Variants in NCS1 observed in about 807,000 individuals in gnomAD.
NCS1 encodes the protein frequenin homolog.
A neutral mutation model predicts 28.4 loss-of-function variants in NCS1; 6 were observed. The observed-to-expected ratio is 0.21, with a 90% CI of 0.12 to 0.42. NCS1 has a LOEUF of 0.42. Ranked by LOEUF, NCS1 falls within the 10% of genes least tolerant of loss-of-function variation. The probability of loss-of-function intolerance (pLI) is 1.00; values close to 1 mark genes in which losing one functional copy is unlikely to be tolerated. For missense variants in NCS1, 131 were observed against 241.4 expected (o/e 0.54, Z 3.03); for synonymous variants, 86 against 99.3 (o/e 0.87, Z 0.79).
At chr9:130,220,547 G>T (rs1271277708) in intron 4 of NCS1, among the ~76,000 whole-genome samples, 3 of 152,046 alleles carry the variant, frequency 2.0e-5, no homozygotes, top group Non-Finnish European at 4.4e-5. Context: ...GGGCCCGCGT[G>T]TGCGAGGCCC....
In NCS1 at chr9:130,232,119, G is replaced by A. The variant is rs1281970946; in HGVS notation, c.*18-871G>A. ...GCGCAGCCACGTCCGGCTAATTTTT[G>A]TATTTTTGGTAGAGACCGGGTTTCA... On this transcript the variant is annotated intron_variant, in intron 7 of 7. Transcript: ENST00000372398. This position sits in a 1 kb window ranked among gnomAD's most constrained non-coding sequence, Gnocchi z 4.4. 6.6e-6 allele frequency among the ~76,000 whole-genome samples: 1 copy of A among 152,078 alleles called. No homozygotes were observed. The highest frequency in any genetic ancestry group is 1.5e-5 in the Non-Finnish European group (1 of 68,030).
At chr9:130,179,570 G>T (rs1832626438) in intron 1 of NCS1, among the ~76,000 whole-genome samples, 1 of 152,176 alleles carries the variant, frequency 6.6e-6, no homozygotes, top group Admixed American at 6.5e-5. Flanking sequence ...GTTTTGAAAG[G>T]CTTTTGATTA....
intron 3 of NCS1, among the ~76,000 whole-genome samples, chr9:130,218,323 C>T (rs12346070): frequency 6.6e-6 from 1 of 152,150 alleles, no homozygotes; most frequent in African/African-American, 2.4e-5. Context: ...CAGCCACACA[C>T]GTGAACATAC....
In NCS1 at chr9:130,233,918, G is replaced by A. The variant is rs564128328; in HGVS notation, c.*946G>A. On this transcript the variant is annotated 3_prime_UTR_variant, in exon 8 of 8. Coordinates refer to ENST00000372398, the MANE Select transcript of NCS1 (RefSeq NM_014286.4). This position sits in a 1 kb window ranked among gnomAD's most constrained non-coding sequence, Gnocchi z 4.8. The stretch of plus-strand genomic sequence containing the variant: ...TCCTGCCAAACCCCTTTTCCCTGCT[G>A]CCTCTGTCCCCGCATCCTTGTTCTC... The A allele has an allele frequency of 1.3e-5, 2 of 152,058 alleles. No homozygotes were observed. Among genetic ancestry groups the A allele is most frequent in the African/African-American group, 4.8e-5 (2 of 41,362 alleles). 9.4% of individuals were successfully genotyped at this position (152,058 alleles called of 1,614,324 possible). A position where few individuals can be genotyped will look rare whatever the true frequency, so the allele number is the denominator to read the frequency against.
chr9:130,201,657 A>G (rs1224467252), intron 2 of NCS1, among the ~76,000 whole-genome samples: 1 of 152,068 alleles, frequency 6.6e-6, no homozygotes, highest in African/African-American at 2.4e-5. Context: ...ACATGAGGCA[A>G]TGAGCTTGGA....
At position 130,235,357 on chromosome 9, in the gene NCS1, C is replaced by T. The variant is rs1489899183; in HGVS notation, c.*2385C>T. 6.6e-6 allele frequency: 1 copy of T among 152,420 alleles called. No individual in the cohort carries two copies. Among genetic ancestry groups the T allele is most frequent in the Non-Finnish European group, 1.5e-5 (1 of 68,196 alleles). The allele number at this position is 152,420 out of a possible 1,614,324, so 9.4% of individuals were successfully genotyped here. ...GGCTGAGAGGATGAGGGAGGTCTTT[C>T]CCAGGTCAAATTACTTTCCTTTGGC... On this transcript the variant is annotated 3_prime_UTR_variant, in exon 8 of 8. Transcript: ENST00000372398.
rs10988643 is a variant in NCS1, at chr9:130,215,585, C to T, written c.90-2247C>T. ...GGCAGGGCGGGCTCCGAGTCTCACG[C>T]ATTGCTGTGGATGAATCTCCTGATC... On this transcript the variant is annotated intron_variant, in intron 2 of 7. Coordinates refer to ENST00000372398, the MANE Select transcript of NCS1 (RefSeq NM_014286.4). This position sits in a 1 kb window ranked among gnomAD's most constrained non-coding sequence, Gnocchi z 4.2. Among the ~76,000 whole-genome samples the T allele has an allele frequency of 1.6e-3, 247 of 152,254 alleles. 6 individuals are homozygous for T. In the East Asian group the frequency reaches 0.039, roughly 24 times the overall value.
At chr9:130,221,425 G>T (rs1288444754) in intron 4 of NCS1, among the ~76,000 whole-genome samples, 8 of 89,512 alleles carry the variant, frequency 8.9e-5, no homozygotes, top group African/African-American at 2.6e-4. Flanking sequence ...GAGAGAGAGA[G>T]AGAGAGAGAG....
chr9:130,209,662 C>T lies in NCS1; in HGVS notation c.90-8170C>T, dbSNP rs1833084448. 6.6e-6 allele frequency among the ~76,000 whole-genome samples: 1 copy of T among 152,080 alleles called. No individual in the cohort carries two copies. The highest frequency in any genetic ancestry group is 1.5e-5 in the Non-Finnish European group (1 of 68,012). ...AGAAGGTGGGAGGTGTGGGAGGAGA[C>T]CCAGCGCTGGCGTGGGAACTGTTTT... On this transcript the variant is annotated intron_variant, in intron 2 of 7. Transcript: ENST00000372398. This position sits in a 1 kb window ranked among gnomAD's most constrained non-coding sequence, Gnocchi z 4.4.
rs71387330 is a variant in NCS1 at position 130,206,403 on chromosome 9, CTTTTTTTTT to C, written c.89+5433_89+5441del. 3.3e-3 allele frequency among the ~76,000 whole-genome samples: 385 copies of C among 116,494 alleles called. 3 individuals carry two copies. Among genetic ancestry groups the C allele is most frequent in the African/African-American group, 0.011 (341 of 30,440 alleles). 76.4% of individuals were successfully genotyped at this position (116,494 alleles called of 152,430 possible). On this transcript the variant is annotated intron_variant, in intron 2 of 7. Transcript: ENST00000372398. ...CTTGTTCTTTTTCTTTTCTTTCTTT[CTTTTTTTTT>C]TTTTTTTTTTTCCTGAGATGGAGTC... is the stretch of plus-strand genomic sequence containing the variant.
chr9:130,222,850 G>T (rs1833351912), intron 5 of NCS1, 112 bp downstream of exon 5: 1 of 1,184,284 alleles, frequency 8.4e-7, no homozygotes, highest in Admixed American at 1.9e-5. Context: ...GTGGAAGCAG[G>T]GGTCACTGGC....
At chr9:130,201,468 G>T (rs1326002437) in intron 2 of NCS1, among the ~76,000 whole-genome samples, 1 of 152,136 alleles carries the variant, frequency 6.6e-6, no homozygotes, top group East Asian at 1.9e-4. Context: ...TTCCGAGGCC[G>T]TACGTCATGG....
chr9:130,183,872 T>A (rs549063411), intron 1 of NCS1, among the ~76,000 whole-genome samples: 157 of 151,084 alleles, frequency 1.0e-3, no homozygotes, highest in African/African-American at 3.7e-3. Context: ...TGCAGTGGCA[T>A]GATCTCGGCC....
intron 6 of NCS1, among the ~76,000 whole-genome samples, chr9:130,225,867 G>C (rs1346403687): frequency 6.6e-6 from 1 of 152,126 alleles, no homozygotes; most frequent in Non-Finnish European, 1.5e-5. Flanking sequence ...CCGGGGAAGG[G>C]ATTCTGGCCC....
At chr9:130,183,083 G>A (rs577966295) in intron 1 of NCS1, among the ~76,000 whole-genome samples, 1 of 152,206 alleles carries the variant, frequency 6.6e-6, no homozygotes, top group African/African-American at 2.4e-5. Flanking sequence ...CAGTGCTGTG[G>A]TTTGCTCTCC....
In NCS1 at chr9:130,218,031, G is replaced by A. The variant is rs1024165005; in HGVS notation, c.228+61G>A. Reference sequence around the variant, plus strand: ...CTCAGCTCCTGTGGGTACCCGCAGCGTCTCCACACCCACTCTCTCCTGCCG... The same window carrying A: ...CTCAGCTCCTGTGGGTACCCGCAGCATCTCCACACCCACTCTCTCCTGCCG... On this transcript the variant is annotated intron_variant, in intron 3 of 7. Coordinates refer to ENST00000372398, the MANE Select transcript of NCS1 (RefSeq NM_014286.4). 5.6e-5 allele frequency: 89 copies of A among 1,601,498 alleles called. No homozygotes were observed. The Admixed American group carries it at 9.0e-4, about 16-fold the overall frequency.
At chr9:130,184,061 C>T (rs1057115355) in intron 1 of NCS1, among the ~76,000 whole-genome samples, 2 of 152,108 alleles carry the variant, frequency 1.3e-5, no homozygotes, top group Non-Finnish European at 1.5e-5. Flanking sequence ...CCACCCGCCT[C>T]GGCCTCCCAA....
At chr9:130,198,472 A>T (rs1832903340) in intron 1 of NCS1, among the ~76,000 whole-genome samples, 1 of 152,218 alleles carries the variant, frequency 6.6e-6, no homozygotes, top group African/African-American at 2.4e-5. Context: ...ATACAAGGTC[A>T]TGCAGACTCA....
chr9:130,234,867 C>G lies in NCS1; in HGVS notation c.*1895C>G, dbSNP rs1331810889. The G allele has an allele frequency of 6.6e-6, 1 of 152,278 alleles. No individual in the cohort carries two copies. Among genetic ancestry groups the G allele is most frequent in the African/African-American group, 2.4e-5 (1 of 41,442 alleles). 9.4% of individuals were successfully genotyped at this position (152,278 alleles called of 1,614,324 possible). On this transcript the variant is annotated 3_prime_UTR_variant, in exon 8 of 8. Coordinates refer to ENST00000372398, the MANE Select transcript of NCS1 (RefSeq NM_014286.4). The surrounding 1 kb of genome is among the most constrained non-coding windows in gnomAD (Gnocchi z 6.1). ...GCTTCCCAGACTGTCAGGGCCAGGCCTGGGTCTAGAATTCTTGCTGCTGCT... is the reference window on the plus strand; with the variant it reads ...GCTTCCCAGACTGTCAGGGCCAGGCGTGGGTCTAGAATTCTTGCTGCTGCT...
Sources: gnomAD v4.1 joint callset for allele counts (sites outside exome capture counted in the v4.1 genomes callset) on GRCh38, gnomAD v4.1.1 for gene constraint, Gnocchi (gnomAD v3.1) non-coding constraint, MANE v1.5 for transcripts, NCBI Gene and HGNC (gene_info 2026-07-23, HGNC 2026-07-21) for gene names.